Variants in RBFOX1 observed in about 807,000 individuals in gnomAD.
RBFOX1 encodes RNA binding protein fox-1 homolog 1.
In RBFOX1, 8 loss-of-function variants were observed where a neutral mutation model predicts 57.7. The ratio of observed to expected loss-of-function variants is 0.14; its 90% CI spans 0.08 to 0.25. The LOEUF is 0.25. Ranked by LOEUF, RBFOX1 falls within the 10% of genes least tolerant of loss-of-function variation. The pLI, the probability that RBFOX1 is intolerant of heterozygous loss-of-function variation, is 1.00. For synonymous variants in RBFOX1, 326 were observed against 222.4 expected, an observed-to-expected ratio of 1.47 and a Z score of -4.15; for missense variants, 611 against 548.5, an observed-to-expected ratio of 1.11 and a Z score of -1.14.
chr16:7,422,866 T>G (rs2098555740), intron 4 of RBFOX1: 1 of 152,292 alleles, frequency 6.6e-6, no homozygotes, highest in Non-Finnish European at 1.5e-5. Context: ...GCCATATTCC[T>G]GATGCTTTTT....
At chr16:6,907,225 C>G (rs930405982) in intron 3 of RBFOX1, among the ~76,000 whole-genome samples, 1 of 152,066 alleles carries the variant, frequency 6.6e-6, no homozygotes, top group African/African-American at 2.4e-5. Context: ...GTTAAATATC[C>G]TACAGTGCGC....
chr16:7,049,415 A>G (rs538503512), intron 3 of RBFOX1, among the ~76,000 whole-genome samples: 23 of 152,196 alleles, frequency 1.5e-4, no homozygotes, highest in African/African-American at 5.5e-4. Flanking sequence ...GATTGCCTGG[A>G]GACTGCAGCA....
chr16:6,937,038 C>G (rs953629985), intron 3 of RBFOX1, among the ~76,000 whole-genome samples: 1 of 151,540 alleles, frequency 6.6e-6, no homozygotes. Context: ...CACATGTATA[C>G]GTATGTAACT....
chr16:7,174,526 A>T (rs1484389244), intron 4 of RBFOX1, among the ~76,000 whole-genome samples: 1 of 152,202 alleles, frequency 6.6e-6, no homozygotes, highest in African/African-American at 2.4e-5. Flanking sequence ...CACACCTGCA[A>T]TCCCAGCCCT....
intron 10 of RBFOX1, 59 bp from the exon 11 acceptor site, chr16:7,630,544 C>G: frequency 6.2e-7 from 1 of 1,607,108 alleles, no homozygotes; most frequent in Non-Finnish European, 8.5e-7. Flanking sequence ...TTGCCGTGAT[C>G]TCTCAGGTGT....
chr16:6,275,491 A>G (rs565742718), intron 1 of RBFOX1, among the ~76,000 whole-genome samples: 4 of 152,276 alleles, frequency 2.6e-5, no homozygotes, highest in African/African-American at 9.6e-5. Context: ...AGTAATTATT[A>G]ACACCTTTAT....
intron 1 of RBFOX1, among the ~76,000 whole-genome samples, chr16:6,202,953 T>A (rs1245198933): frequency 6.6e-6 from 1 of 152,020 alleles, no homozygotes; most frequent in Non-Finnish European, 1.5e-5. Context: ...TTCATATTTT[T>A]TTGTAGAGAT....
intron 2 of RBFOX1, among the ~76,000 whole-genome samples, chr16:6,335,876 T>C (rs2083589820): frequency 6.7e-6 from 1 of 150,228 alleles, no homozygotes; most frequent in Admixed American, 6.6e-5. Context: ...TGCATTGTGA[T>C]ATTTCCTATG....
chr16:7,219,977 G>A (rs968289740), intron 4 of RBFOX1, among the ~76,000 whole-genome samples: 2 of 152,154 alleles, frequency 1.3e-5, no homozygotes. Context: ...TTGAATCTGA[G>A]TTCAGTTGGT....
intron 1 of RBFOX1, among the ~76,000 whole-genome samples, chr16:5,424,855 C>CCTT (rs2067468182): frequency 1.4e-5 from 2 of 145,856 alleles, no homozygotes; most frequent in African/African-American, 5.5e-5. Context: ...CTTTCTCTCT[C>CCTT]TCTCTTCTTT....
chr16:6,792,525 C>A (rs897125015), intron 3 of RBFOX1, among the ~76,000 whole-genome samples: 3 of 152,126 alleles, frequency 2.0e-5, no homozygotes, highest in Admixed American at 6.5e-5. Flanking sequence ...ATTTCAATTT[C>A]ATATAAAGGT....
chr16:7,313,531 C>T (rs1239509101), intron 4 of RBFOX1, among the ~76,000 whole-genome samples: 2 of 148,782 alleles, frequency 1.3e-5, no homozygotes, highest in African/African-American at 5.0e-5. Flanking sequence ...TTTCGGACAG[C>T]AGTAGGAGAG....
chr16:7,051,012 G>C (rs1196850368), intron 3 of RBFOX1, among the ~76,000 whole-genome samples: 1 of 152,000 alleles, frequency 6.6e-6, no homozygotes, highest in Admixed American at 6.6e-5. Context: ...TATACAAAAT[G>C]CGTAAAATAT....
intron 4 of RBFOX1, among the ~76,000 whole-genome samples, chr16:7,475,242 G>A (rs573865424): frequency 6.6e-6 from 1 of 151,046 alleles, no homozygotes; most frequent in Non-Finnish European, 1.5e-5. Context: ...GTGTAGTTCT[G>A]TTTTCAACAC....
chr16:6,027,258 A>T (rs2095214065), intron 1 of RBFOX1, among the ~76,000 whole-genome samples: 1 of 152,134 alleles, frequency 6.6e-6, no homozygotes, highest in African/African-American at 2.4e-5. Context: ...CAAACCCTTT[A>T]TTATACCACT....
intron 4 of RBFOX1, among the ~76,000 whole-genome samples, chr16:5,972,754 C>T (rs1286190469): frequency 6.6e-6 from 1 of 152,196 alleles, no homozygotes; most frequent in South Asian, 2.1e-4. Context: ...ACGTGTTTCT[C>T]ACCCTCTCCA....
At chr16:5,393,704 A>G (rs512408) in intron 1 of RBFOX1, among the ~76,000 whole-genome samples, 5,333 of 152,198 alleles carry the variant, frequency 0.035, 318 homozygotes, top group African/African-American at 0.12. Flanking sequence ...AAGGTGGTAA[A>G]ATATATGTAA....
intron 3 of RBFOX1, among the ~76,000 whole-genome samples, chr16:6,862,735 G>A (rs1300680316): frequency 7.9e-5 from 12 of 152,092 alleles, no homozygotes; most frequent in African/African-American, 1.9e-4. Context: ...CTGTAATCCC[G>A]GCGCTTTGTA....
intron 2 of RBFOX1, among the ~76,000 whole-genome samples, chr16:5,589,648 T>C (rs2046942425): frequency 6.6e-6 from 1 of 152,224 alleles, no homozygotes. Context: ...CTCCAGGATG[T>C]GTAACCTTTG....
Sources: gnomAD v4.1 joint callset for allele counts (sites outside exome capture counted in the v4.1 genomes callset) on GRCh38, gnomAD v4.1.1 for gene constraint, MANE v1.5 for transcripts, NCBI Gene and HGNC (gene_info 2026-07-23, HGNC 2026-07-21) for gene names.